The following HDAC9 variants were observed in gnomAD, a reference collection of about 807,000 sequenced individuals.
HDAC9 encodes MEF-2 interacting transcription repressor (MITR) protein.
Under a neutral mutation model 139.4 loss-of-function variants are expected in HDAC9, and 41 were observed. That is an observed-to-expected ratio of 0.29 (90% CI 0.23 to 0.38). The LOEUF is 0.38. HDAC9 is among the 10% of genes least tolerant of loss of function. The pLI is 1.00. For missense variants in HDAC9, 1,147 were observed against 1,297.0 expected (o/e 0.88, Z 1.78); for synonymous variants, 517 against 476.2 (o/e 1.09, Z -1.12).
chr7:18,157,168 G>A (rs1027852400), intron 1 of HDAC9, among the ~76,000 whole-genome samples: 2 of 152,184 alleles, frequency 1.3e-5, no homozygotes, highest in African/African-American at 4.8e-5. Flanking sequence ...GCATGGACAC[G>A]CGAATGATAC....
At chr7:18,650,723 A>C (rs1309476383) in intron 11 of HDAC9, among the ~76,000 whole-genome samples, 2 of 152,234 alleles carry the variant, frequency 1.3e-5, no homozygotes, top group Non-Finnish European at 2.9e-5. Flanking sequence ...AATTAGAAAC[A>C]AACCTATACT....
intron 22 of HDAC9, among the ~76,000 whole-genome samples, chr7:18,910,659 T>C (rs1005598973): frequency 2.6e-5 from 4 of 151,910 alleles, no homozygotes; most frequent in African/African-American, 9.7e-5. Flanking sequence ...AGTATAGTAT[T>C]CATCACAGTT....
intron 1 of HDAC9, among the ~76,000 whole-genome samples, chr7:18,092,251 G>A (rs78735034): frequency 0.074 from 11,177 of 152,044 alleles, 734 homozygotes; most frequent in African/African-American, 0.18. Flanking sequence ...TTACCTGAAC[G>A]TGATGGTGTG....
At chr7:18,171,023 A>G (rs1788390367) in intron 2 of HDAC9, among the ~76,000 whole-genome samples, 1 of 152,220 alleles carries the variant, frequency 6.6e-6, no homozygotes, top group Non-Finnish European at 1.5e-5. Flanking sequence ...TTGAGTGTAT[A>G]AATTACCTTG....
At chr7:18,138,562 G>GCACACGCACACGCTCA (rs1269718056) in intron 1 of HDAC9, among the ~76,000 whole-genome samples, 120 of 145,350 alleles carry the variant, frequency 8.3e-4, no homozygotes, top group African/African-American at 3.1e-3. Flanking sequence ...GTGTGTGTGT[G>GCACACGCACACGCTCA]TGCACATGCT....
At chr7:18,477,835 C>T (rs896603075) in intron 1 of HDAC9, among the ~76,000 whole-genome samples, 1 of 152,022 alleles carries the variant, frequency 6.6e-6, no homozygotes, top group African/African-American at 2.4e-5. Flanking sequence ...CTGTAACTAC[C>T]ATCTGCCCTT....
intron 12 of HDAC9, among the ~76,000 whole-genome samples, chr7:18,679,420 A>T (rs952769025): frequency 1.2e-4 from 18 of 151,534 alleles, no homozygotes; most frequent in South Asian, 4.2e-4. Flanking sequence ...TCTAGTTTAA[A>T]TTTTTTTTCT....
chr7:18,568,165 T>C (rs1362894722), intron 2 of HDAC9, among the ~76,000 whole-genome samples: 3 of 151,684 alleles, frequency 2.0e-5, no homozygotes, highest in Non-Finnish European at 4.4e-5. Context: ...GTTCTATTTG[T>C]AGCTTATTGA....
chr7:18,644,321 T>A (rs1215212384), intron 8 of HDAC9, among the ~76,000 whole-genome samples: 1 of 152,106 alleles, frequency 6.6e-6, no homozygotes, highest in Non-Finnish European at 1.5e-5. Flanking sequence ...CATATTTTTT[T>A]CACTGAGTAA....
At chr7:18,978,388 C>G (rs28634669) in intron 25 of HDAC9, among the ~76,000 whole-genome samples, 2,281 of 152,134 alleles carry the variant, frequency 0.015, 53 homozygotes, top group African/African-American at 0.052. Flanking sequence ...GTTCGTTTTT[C>G]TTGGATGGGG....
chr7:18,329,608 A>G (rs1482561827), intron 1 of HDAC9, among the ~76,000 whole-genome samples: 1 of 151,256 alleles, frequency 6.6e-6, no homozygotes, highest in Non-Finnish European at 1.5e-5. Context: ...ATGTTTGATG[A>G]TACTGGTCTC....
chr7:18,360,155 G>T (rs549762527), intron 1 of HDAC9, among the ~76,000 whole-genome samples: 6 of 152,286 alleles, frequency 3.9e-5, no homozygotes, highest in African/African-American at 1.4e-4. Context: ...TTGTAATTAA[G>T]AGATTAATCT....
intron 17 of HDAC9, among the ~76,000 whole-genome samples, chr7:18,821,325 A>G (rs929611493): frequency 6.6e-6 from 1 of 152,208 alleles, no homozygotes; most frequent in Admixed American, 6.5e-5. Flanking sequence ...ATGGTGACTG[A>G]TAGAGGCTTA....
At chr7:18,530,107 C>A (rs1368106371) in intron 2 of HDAC9, among the ~76,000 whole-genome samples, 6 of 151,722 alleles carry the variant, frequency 4.0e-5, no homozygotes, top group Non-Finnish European at 8.8e-5. Context: ...AAGCAAGATC[C>A]AGTCTCTACG....
intron 2 of HDAC9, among the ~76,000 whole-genome samples, chr7:18,231,459 T>TCAGCTAGATGTGCTATCTATC (rs1793456631): frequency 6.6e-6 from 1 of 152,168 alleles, no homozygotes; most frequent in Non-Finnish European, 1.5e-5. Context: ...ACTACCTGAG[T>TCAGCTAGATGTGCTATCTATC]CAGCTAGATA....
At position 18,452,884 on chromosome 7, in the gene HDAC9, C is replaced by T. The variant is rs1278016821; in HGVS notation, c.-41-43378C>T. Among the ~76,000 whole-genome samples, 14 of 152,162 alleles carry T rather than the reference C, an allele frequency of 9.2e-5. No homozygotes were observed. In the East Asian group the frequency reaches 1.9e-3, roughly 21 times the overall value. ...CTTTCCTTTATAAATTACCCAGTTTCGGGTATATCTTTATTAGAAACATTA... is the reference window on the plus strand; with the variant it reads ...CTTTCCTTTATAAATTACCCAGTTTTGGGTATATCTTTATTAGAAACATTA... On this transcript the variant is annotated intron_variant, in intron 1 of 3. Transcript: ENST00000413509.
At chr7:18,769,856 C>A (rs531927744) in intron 16 of HDAC9, among the ~76,000 whole-genome samples, 4 of 152,106 alleles carry the variant, frequency 2.6e-5, no homozygotes, top group African/African-American at 4.8e-5. Flanking sequence ...TTGGAAATTA[C>A]CGAAATGACT....
At chr7:18,918,178 A>G (rs1423175646) in intron 22 of HDAC9, among the ~76,000 whole-genome samples, 1 of 152,092 alleles carries the variant, frequency 6.6e-6, no homozygotes, top group African/African-American at 2.4e-5. Flanking sequence ...AGGAGATTTC[A>G]GTCTTTGGTT....
At chr7:18,862,532 T>G (rs1426698705) in intron 21 of HDAC9, among the ~76,000 whole-genome samples, 3 of 152,180 alleles carry the variant, frequency 2.0e-5, no homozygotes, top group African/African-American at 7.2e-5. Flanking sequence ...TAATTCAATT[T>G]TGAGATGGCA....
Sources: allele counts gnomAD v4.1 joint callset (sites outside exome capture counted in the v4.1 genomes callset), GRCh38; gene constraint gnomAD v4.1.1; transcripts MANE v1.5; gene names NCBI Gene and HGNC (gene_info 2026-07-23, HGNC 2026-07-21).